Variants in ST6GALNAC5 observed in about 807,000 individuals in gnomAD.
ST6GALNAC5 encodes the protein ST6 N-acetylgalactosaminide alpha-2,6-sialyltransferase 5.
A neutral mutation model predicts 33.6 loss-of-function variants in ST6GALNAC5; 27 were observed. The observed-to-expected ratio is 0.80, with a 90% CI of 0.59 to 1.11. ST6GALNAC5 has a LOEUF of 1.11. Among genes scored for constraint, ST6GALNAC5 ranks in the 50% least tolerant of loss-of-function variants. The probability of loss-of-function intolerance (pLI) is 0.00; values close to 1 mark genes in which losing one functional copy is unlikely to be tolerated. For synonymous variants in ST6GALNAC5, 194 were observed against 171.2 expected (o/e 1.13, Z -1.04); for missense variants, 428 against 454.0 (o/e 0.94, Z 0.52).
chr1:76,970,277 G>A (rs889859492), intron 2 of ST6GALNAC5, among the ~76,000 whole-genome samples: 4 of 151,862 alleles, frequency 2.6e-5, no homozygotes, highest in Non-Finnish European at 5.9e-5. Context: ...GAGGATGTTC[G>A]AATCCATCAC....
intron 2 of ST6GALNAC5, among the ~76,000 whole-genome samples, chr1:76,870,805 G>C (rs1653485919): frequency 6.6e-6 from 1 of 152,122 alleles, no homozygotes; most frequent in Admixed American, 6.5e-5. Flanking sequence ...TTATCTCATG[G>C]AACACCAACA....
intron 2 of ST6GALNAC5, among the ~76,000 whole-genome samples, chr1:76,903,504 A>G (rs1646837133): frequency 6.6e-6 from 1 of 152,214 alleles, no homozygotes; most frequent in African/African-American, 2.4e-5. Context: ...ACATAGAGTT[A>G]CATGTGTCCC....
chr1:76,906,143 A>G (rs1646862334), intron 2 of ST6GALNAC5, among the ~76,000 whole-genome samples: 1 of 152,198 alleles, frequency 6.6e-6, no homozygotes, highest in Non-Finnish European at 1.5e-5. Context: ...ATCTGGCAAC[A>G]AAAGTTTCAA....
chr1:76,979,758 C>T (rs533260478), intron 2 of ST6GALNAC5, among the ~76,000 whole-genome samples: 2 of 152,292 alleles, frequency 1.3e-5, no homozygotes, highest in African/African-American at 2.4e-5. Flanking sequence ...AAAACCCCGT[C>T]TCTACTGAAA....
chr1:76,937,524 G>C (rs1647222818), intron 2 of ST6GALNAC5, among the ~76,000 whole-genome samples: 2 of 152,078 alleles, frequency 1.3e-5, no homozygotes, highest in Non-Finnish European at 2.9e-5. Flanking sequence ...CTGAGTTATA[G>C]AGGAAAGAGC....
At chr1:76,930,125 C>A (rs1195771348) in intron 2 of ST6GALNAC5, among the ~76,000 whole-genome samples, 1 of 152,120 alleles carries the variant, frequency 6.6e-6, no homozygotes, top group African/African-American at 2.4e-5. Flanking sequence ...TGCTTCACTT[C>A]AAATCCTGAT....
At chr1:76,965,527 A>C (rs1040105663) in intron 2 of ST6GALNAC5, among the ~76,000 whole-genome samples, 2 of 152,148 alleles carry the variant, frequency 1.3e-5, no homozygotes, top group Non-Finnish European at 2.9e-5. Context: ...AGATGGGTAG[A>C]TTGCAAAAAT....
intron 2 of ST6GALNAC5, among the ~76,000 whole-genome samples, chr1:77,001,202 C>G (rs910859187): frequency 2.3e-4 from 29 of 127,624 alleles, no homozygotes; most frequent in African/African-American, 7.2e-4. Context: ...TGAAGAGGTC[C>G]TTCACATCCC....
chr1:76,875,747 T>C (rs1025859671), intron 2 of ST6GALNAC5, among the ~76,000 whole-genome samples: 4 of 152,092 alleles, frequency 2.6e-5, no homozygotes, highest in South Asian at 2.1e-4. Flanking sequence ...ATCCTGGCTA[T>C]GGGAGAAACA....
chr1:77,023,142 A>G (rs1037851889), intron 2 of ST6GALNAC5, among the ~76,000 whole-genome samples: 1 of 152,176 alleles, frequency 6.6e-6, no homozygotes, highest in South Asian at 2.1e-4. Flanking sequence ...AGGGAAGAGG[A>G]CTCAGAAGAA....
intron 2 of ST6GALNAC5, among the ~76,000 whole-genome samples, chr1:76,907,123 T>A (rs1321802122): frequency 3.9e-5 from 6 of 152,130 alleles, no homozygotes; most frequent in African/African-American, 1.2e-4. Context: ...CTAACAAGCC[T>A]TCTTGTAGCC....
chr1:76,937,219 G>T (rs1052598723), intron 2 of ST6GALNAC5, among the ~76,000 whole-genome samples: 2 of 151,672 alleles, frequency 1.3e-5, no homozygotes, highest in African/African-American at 2.4e-5. Context: ...CCCTGCAAGT[G>T]GTTTTTATTA....
At chr1:76,874,302 C>T (rs115532371) in intron 2 of ST6GALNAC5, among the ~76,000 whole-genome samples, 132 of 152,262 alleles carry the variant, frequency 8.7e-4, no homozygotes, top group African/African-American at 3.0e-3. Flanking sequence ...GACATAGGGT[C>T]TTCTGCACTT....
intron 2 of ST6GALNAC5, among the ~76,000 whole-genome samples, chr1:76,873,907 G>A (rs999965764): frequency 6.6e-6 from 1 of 152,124 alleles, no homozygotes; most frequent in Non-Finnish European, 1.5e-5. Context: ...GAGCATTCTG[G>A]AGGAAGAACA....
At position 76,917,431 on chromosome 1, in the gene ST6GALNAC5, C is replaced by T. The variant is rs74092224; in HGVS notation, c.261+48689C>T. 8.2e-3 allele frequency among the ~76,000 whole-genome samples: 1,245 copies of T among 152,034 alleles called. 27 individuals are homozygous for T. Among genetic ancestry groups the T allele is most frequent in the African/African-American group, 0.028 (1,162 of 41,490 alleles). On this transcript the variant is annotated intron_variant, in intron 2 of 4. Transcript: ENST00000477717. Reference sequence around the variant, plus strand: ...CCATTCATAATCTATTATTGATCTACGATAACTAATAAATCTGTACACTGT... The same window carrying T: ...CCATTCATAATCTATTATTGATCTATGATAACTAATAAATCTGTACACTGT...
Position 76,868,768 on chromosome 1 carries a change from C to A in ST6GALNAC5, c.261+26C>A. The stretch of plus-strand genomic sequence containing the variant: ...GTGACAGCATGCCCGCCAGCCCGCT[C>A]GCCACTCAGCCTGGGGATCCCGCAC... On this transcript the variant is annotated intron_variant, in intron 2 of 4. Transcript: ENST00000477717. This position sits in a 1 kb window ranked among gnomAD's most constrained non-coding sequence, Gnocchi z 4.3. The A allele has an allele frequency of 3.4e-6, 5 of 1,468,144 alleles. No individual in the cohort carries two copies. The highest frequency in any genetic ancestry group is 3.6e-6 in the Non-Finnish European group (4 of 1,115,128). The allele number at this position is 1,468,144 out of a possible 1,614,324, so 90.9% of individuals were successfully genotyped here.
chr1:77,031,272 G>A (rs1451697112), intron 2 of ST6GALNAC5, among the ~76,000 whole-genome samples: 3 of 152,184 alleles, frequency 2.0e-5, no homozygotes, highest in African/African-American at 4.8e-5. Context: ...CATCAAGATG[G>A]TGTTTACTGA....
At chr1:76,930,850 C>T (rs994370938) in intron 2 of ST6GALNAC5, among the ~76,000 whole-genome samples, 1 of 152,070 alleles carries the variant, frequency 6.6e-6, no homozygotes, top group East Asian at 1.9e-4. Context: ...TTTATGAAGC[C>T]TATATATAAA....
In ST6GALNAC5 at chr1:76,883,875, T is replaced by C. The variant is rs978171677; in HGVS notation, c.261+15133T>C. On this transcript the variant is annotated intron_variant, in intron 2 of 4. Transcript: ENST00000477717. ...GTGATCCTCAACTCCATGAAACTTATATCTGTTGGGAGAGGGAGAAACACA... is the reference window on the plus strand; with the variant it reads ...GTGATCCTCAACTCCATGAAACTTACATCTGTTGGGAGAGGGAGAAACACA... Among the ~76,000 whole-genome samples, 3 of 152,258 alleles carry C rather than the reference T, an allele frequency of 2.0e-5. No individual in the cohort carries two copies. The South Asian group carries it at 6.2e-4, about 32-fold the overall frequency.
Sources: gnomAD v4.1 joint callset for allele counts (sites outside exome capture counted in the v4.1 genomes callset) on GRCh38, gnomAD v4.1.1 for gene constraint, Gnocchi (gnomAD v3.1) non-coding constraint, MANE v1.5 for transcripts, NCBI Gene and HGNC (gene_info 2026-07-23, HGNC 2026-07-21) for gene names.